PHACTR3: variants seen among roughly 807,000 people sequenced by gnomAD.
PHACTR3 encodes protein phosphatase 1, regulatory subunit 123.
A neutral mutation model predicts 66.8 loss-of-function variants in PHACTR3; 16 were observed. The ratio of observed to expected loss-of-function variants is 0.24; its 90% CI spans 0.16 to 0.36. PHACTR3 has a LOEUF of 0.36. Ranked by LOEUF, PHACTR3 falls within the 10% of genes least tolerant of loss-of-function variation. The pLI, the probability that PHACTR3 is intolerant of heterozygous loss-of-function variation, is 1.00. For missense variants in PHACTR3, 647 were observed against 719.9 expected (o/e 0.90, Z 1.16); for synonymous variants, 323 against 292.1 (o/e 1.11, Z -1.08).
chr20:59,655,914 A>T (rs568531905), intron 1 of PHACTR3, among the ~76,000 whole-genome samples: 1 of 151,892 alleles, frequency 6.6e-6, no homozygotes, highest in African/African-American at 2.4e-5. Flanking sequence ...TTGGTTATTT[A>T]GGGCCATATT....
At chr20:59,735,187 C>G (rs552209475) in intron 1 of PHACTR3, among the ~76,000 whole-genome samples, 27 of 152,074 alleles carry the variant, frequency 1.8e-4, no homozygotes, top group Non-Finnish European at 3.1e-4. Context: ...TATGAGGTTG[C>G]CTTACACTTT....
At chr20:59,748,109 A>G (rs751999057) in intron 3 of PHACTR3, among the ~76,000 whole-genome samples, 1 of 152,338 alleles carries the variant, frequency 6.6e-6, no homozygotes, top group Non-Finnish European at 1.5e-5. Context: ...CTGGGTGTGC[A>G]TGAATCTGGT....
chr20:59,666,057 G>A (rs367706889), intron 1 of PHACTR3, among the ~76,000 whole-genome samples: 2 of 152,178 alleles, frequency 1.3e-5, no homozygotes, highest in Non-Finnish European at 1.5e-5. Flanking sequence ...GGAGGGGGCT[G>A]TGAAGGTCTG....
At chr20:59,631,650 A>G (rs529030108) in intron 1 of PHACTR3, among the ~76,000 whole-genome samples, 3 of 152,316 alleles carry the variant, frequency 2.0e-5, no homozygotes, top group East Asian at 3.9e-4. Context: ...TAATAACACT[A>G]TTAACACCAG....
At chr20:59,670,676 G>C (rs1051573699) in intron 1 of PHACTR3, among the ~76,000 whole-genome samples, 1 of 150,644 alleles carries the variant, frequency 6.6e-6, no homozygotes, top group African/African-American at 2.4e-5. Context: ...CTTTTCTGTC[G>C]TTAAGGTGTC....
At chr20:59,792,238 G>T (rs1042034553) in intron 7 of PHACTR3, among the ~76,000 whole-genome samples, 1 of 152,298 alleles carries the variant, frequency 6.6e-6, no homozygotes, top group East Asian at 1.9e-4. Context: ...GGACATATGG[G>T]TTGTTTTTAG....
At chr20:59,655,534 TTCTC>T (rs912443600) in intron 1 of PHACTR3, among the ~76,000 whole-genome samples, 42 of 152,068 alleles carry the variant, frequency 2.8e-4, no homozygotes, top group African/African-American at 9.6e-4. Context: ...AATTTGAGTC[TTCTC>T]TCTCTCTTCT....
chr20:59,685,395 C>T (rs1264394515), intron 1 of PHACTR3, among the ~76,000 whole-genome samples: 1 of 152,178 alleles, frequency 6.6e-6, no homozygotes, highest in Admixed American at 6.5e-5. Flanking sequence ...TGGGTTTGAA[C>T]CCTGTCTCTA....
chr20:59,660,083 C>T (rs1174681849), intron 1 of PHACTR3, among the ~76,000 whole-genome samples: 1 of 152,308 alleles, frequency 6.6e-6, no homozygotes, highest in East Asian at 1.9e-4. Flanking sequence ...TCCTTAGCCC[C>T]CCACTTTCAG....
chr20:59,647,781 G>C (rs558631592), intron 1 of PHACTR3, among the ~76,000 whole-genome samples: 1 of 152,254 alleles, frequency 6.6e-6, no homozygotes, highest in South Asian at 2.1e-4. Context: ...AAGCTCCCTG[G>C]ATTCAGGTCC....
chr20:59,668,732 T>C (rs2036084764), intron 1 of PHACTR3, among the ~76,000 whole-genome samples: 1 of 152,126 alleles, frequency 6.6e-6, no homozygotes, highest in Non-Finnish European at 1.5e-5. Flanking sequence ...CCAGAGTTTC[T>C]TTCTTGTTGC....
In PHACTR3 at chr20:59,604,880, T is replaced by TC. The variant is rs2033602400; in HGVS notation, c.-135_-134insC. On this transcript the variant is annotated 5_prime_UTR_variant, in exon 1 of 13. Coordinates refer to ENST00000371015, the MANE Select transcript of PHACTR3 (RefSeq NM_080672.5). ...CCAGCTCGTTTCCTTTCCCGGCCTTTTTTTTTTTTTTTTTTTTTTAATTTT... is the reference window on the plus strand; with the variant it reads ...CCAGCTCGTTTCCTTTCCCGGCCTTTCTTTTTTTTTTTTTTTTTTTAATTTT... 10 of 811,170 alleles carry TC rather than the reference T, an allele frequency of 1.2e-5. No homozygotes were observed. Among genetic ancestry groups the TC allele is most frequent in the Non-Finnish European group, 1.4e-5 (9 of 659,720 alleles). 50.2% of individuals were successfully genotyped at this position (811,170 alleles called of 1,614,324 possible).
At chr20:59,798,665 A>G (rs1034538079) in intron 7 of PHACTR3, among the ~76,000 whole-genome samples, 7 of 152,090 alleles carry the variant, frequency 4.6e-5, no homozygotes, top group African/African-American at 1.7e-4. Flanking sequence ...TATATTTTTT[A>G]TATCTTCTTA....
chr20:59,620,076 C>T (rs1600931832), intron 1 of PHACTR3, among the ~76,000 whole-genome samples: 1 of 152,198 alleles, frequency 6.6e-6, no homozygotes, highest in Non-Finnish European at 1.5e-5. Context: ...ACCCTAAACC[C>T]GGTGTGTTTC....
intron 7 of PHACTR3, among the ~76,000 whole-genome samples, chr20:59,777,332 A>C (rs1042106290): frequency 2.2e-4 from 34 of 152,298 alleles, no homozygotes; most frequent in Non-Finnish European, 1.8e-4. Context: ...TGGACTTGGC[A>C]CATCTTTTAG....
intron 1 of PHACTR3, among the ~76,000 whole-genome samples, chr20:59,605,445 C>G (rs2033625522): frequency 6.6e-6 from 1 of 152,232 alleles, no homozygotes; most frequent in Non-Finnish European, 1.5e-5. Context: ...GGAAGAGAGG[C>G]AGACCCGTGG....
At chr20:59,737,489 C>T (rs777290874) in intron 1 of PHACTR3, among the ~76,000 whole-genome samples, 4 of 150,386 alleles carry the variant, frequency 2.7e-5, no homozygotes, top group Non-Finnish European at 5.9e-5. Context: ...CGTGCATGTG[C>T]GTGTGTGTGT....
At chr20:59,680,562 C>T (rs1362465040) in intron 1 of PHACTR3, among the ~76,000 whole-genome samples, 2 of 152,178 alleles carry the variant, frequency 1.3e-5, no homozygotes, top group African/African-American at 4.8e-5. Context: ...TTCATGTAAC[C>T]CAAGCTTGTC....
chr20:59,779,715 C>G (rs1217257398), intron 7 of PHACTR3, among the ~76,000 whole-genome samples: 4 of 152,204 alleles, frequency 2.6e-5, no homozygotes, highest in Non-Finnish European at 4.4e-5. Context: ...CTTCAGTTCT[C>G]TATTAGAATG....
Sources: gnomAD v4.1 joint callset for allele counts (sites outside exome capture counted in the v4.1 genomes callset) on GRCh38, gnomAD v4.1.1 for gene constraint, MANE v1.5 for transcripts, NCBI Gene and HGNC (gene_info 2026-07-23, HGNC 2026-07-21) for gene names.